Variants in INPP4B observed in about 807,000 individuals in gnomAD.
The protein encoded by INPP4B is inositol polyphosphate-4-phosphatase type II B.
INPP4B carries 55 observed loss-of-function variants against 122.5 expected under a neutral mutation model. The ratio of observed to expected loss-of-function variants is 0.45; its 90% CI spans 0.36 to 0.56. The LOEUF (loss-of-function observed/expected upper bound fraction) is 0.56. Ranked by LOEUF, INPP4B falls within the 20% of genes least tolerant of loss-of-function variation. INPP4B has a pLI of 0.00. For synonymous variants in INPP4B, 403 were observed against 388.7 expected, an observed-to-expected ratio of 1.04 and a Z score of -0.43; for missense variants, 1,000 against 1,097.7, an observed-to-expected ratio of 0.91 and a Z score of 1.26.
In INPP4B at chr4:142,305,980, G is replaced by A. The variant is rs974304528; in HGVS notation, c.424-443C>T. On this transcript the variant is annotated intron_variant, in intron 8 of 25. Transcript: ENST00000262992. Reference sequence around the variant, plus strand: ...GTTAGTTGGAGCTATTTTTATGTGGGACTTTGTACAAGTTATAAATAGAAA... The same window carrying A: ...GTTAGTTGGAGCTATTTTTATGTGGAACTTTGTACAAGTTATAAATAGAAA... 8 of 931,052 alleles carry A rather than the reference G, an allele frequency of 8.6e-6. No individual in the cohort carries two copies. The African/African-American group carries it at 1.4e-4, about 17-fold the overall frequency. 57.7% of individuals were successfully genotyped at this position (931,052 alleles called of 1,614,324 possible).
At chr4:142,398,402 ATATATATATATATATATATAT>A (rs1310285138) in intron 7 of INPP4B, among the ~76,000 whole-genome samples, 2 of 6,390 alleles carry the variant, frequency 3.1e-4, no homozygotes. Context: ...AAAAAAAAAA[ATATATATATATATATATATAT>A]ATATATATAT....
intron 5 of INPP4B, among the ~76,000 whole-genome samples, chr4:142,410,198 A>G (rs1360732566): frequency 1.3e-5 from 2 of 152,196 alleles, no homozygotes; most frequent in South Asian, 2.1e-4. Context: ...GTTCAGCAAC[A>G]CTGCTCGAAT....
intron 11 of INPP4B, among the ~76,000 whole-genome samples, chr4:142,258,666 A>C (rs13114708): frequency 0.76 from 114,271 of 151,116 alleles, 44,507 homozygotes; most frequent in East Asian, 0.93. Context: ...ACCATCTCAC[A>C]CCAGTTAGAA....
chr4:142,621,693 T>C (rs1744963854), intron 2 of INPP4B, among the ~76,000 whole-genome samples: 1 of 151,926 alleles, frequency 6.6e-6, no homozygotes, highest in Non-Finnish European at 1.5e-5. Context: ...CCTACCTTGC[T>C]GAATAATGAT....
chr4:142,368,601 A>C (rs950503074), intron 7 of INPP4B, among the ~76,000 whole-genome samples: 2 of 152,120 alleles, frequency 1.3e-5, no homozygotes, highest in African/African-American at 4.8e-5. Flanking sequence ...TCAGTTAAGG[A>C]GGCAGGCAAG....
At chr4:142,292,269 G>A (rs377007723) in intron 9 of INPP4B, among the ~76,000 whole-genome samples, 2 of 150,816 alleles carry the variant, frequency 1.3e-5, no homozygotes, top group East Asian at 3.9e-4. Flanking sequence ...ATGAACTCCT[G>A]GTAACAGTGA....
chr4:142,078,713 A>G (rs1772203004), intron 25 of INPP4B, among the ~76,000 whole-genome samples: 1 of 152,030 alleles, frequency 6.6e-6, no homozygotes. Flanking sequence ...AAAATACTTA[A>G]TATAGATAAG....
At chr4:142,537,415 TATATATATATATATAGAGAGAGAG>T (rs1313733617) in intron 2 of INPP4B, among the ~76,000 whole-genome samples, 10 of 47,328 alleles carry the variant, frequency 2.1e-4, no homozygotes, top group African/African-American at 6.4e-4. Context: ...TATATATATA[TATATATATATATATAGAGAGAGAG>T]AGAGAGAGAG....
At chr4:142,372,356 AC>A (rs1790253783) in intron 7 of INPP4B, among the ~76,000 whole-genome samples, 1 of 152,088 alleles carries the variant, frequency 6.6e-6, no homozygotes, top group South Asian at 2.1e-4. Context: ...ACAATAGTTA[AC>A]AATCATTTAC....
chr4:142,208,377 A>C (rs756998015), intron 14 of INPP4B, 48 bp downstream of exon 14: 7 of 937,932 alleles, frequency 7.5e-6, no homozygotes, highest in Non-Finnish European at 1.2e-5. Context: ...TTACAGAAGT[A>C]CACACTGTAA....
chr4:142,025,014 GAAGAT>G lies in INPP4B; in HGVS notation c.*3763_*3767del, dbSNP rs1041819410. ...TATATAACCAAAATTATAGCCATCT[GAAGAT>G]AAGGGATTGCATTTGATACTTTTTA... On this transcript the variant is annotated 3_prime_UTR_variant, in exon 26 of 26. Transcript: ENST00000262992. 2 of 152,060 alleles carry G rather than the reference GAAGAT, an allele frequency of 1.3e-5. No homozygotes were observed. Among genetic ancestry groups the G allele is most frequent in the African/African-American group, 4.8e-5 (2 of 41,392 alleles). 9.4% of individuals were successfully genotyped at this position (152,060 alleles called of 1,614,324 possible).
intron 11 of INPP4B, among the ~76,000 whole-genome samples, chr4:142,240,054 TTTTAG>T (rs1858559357): frequency 1.3e-5 from 2 of 151,480 alleles, no homozygotes; most frequent in South Asian, 4.2e-4. Context: ...TCCTTCTAAT[TTTTAG>T]TTTATTGTTT....
intron 25 of INPP4B, among the ~76,000 whole-genome samples, chr4:142,044,168 TTAGATA>T (rs1395987242): frequency 4.6e-5 from 7 of 152,112 alleles, no homozygotes; most frequent in Non-Finnish European, 5.9e-5. Flanking sequence ...ATGACGTTAG[TTAGATA>T]TAGATAATAA....
chr4:142,732,718 TCA>T (rs1256034486), intron 1 of INPP4B, among the ~76,000 whole-genome samples: 1 of 152,094 alleles, frequency 6.6e-6, no homozygotes, highest in East Asian at 1.9e-4. Flanking sequence ...TGCATCATGC[TCA>T]TACATGGAAG....
intron 16 of INPP4B, among the ~76,000 whole-genome samples, chr4:142,172,156 T>A (rs889773268): frequency 5.3e-5 from 8 of 151,936 alleles, no homozygotes; most frequent in African/African-American, 1.2e-4. Context: ...CAAACATTTT[T>A]AAAAAAAAAC....
At chr4:142,601,864 G>A (rs1740022030) in intron 2 of INPP4B, among the ~76,000 whole-genome samples, 1 of 151,022 alleles carries the variant, frequency 6.6e-6, no homozygotes, top group Non-Finnish European at 1.5e-5. Context: ...AGCTACTTGG[G>A]AGGCTGAGGC....
chr4:142,624,482 G>C (rs1235550755), intron 2 of INPP4B, among the ~76,000 whole-genome samples: 1 of 151,744 alleles, frequency 6.6e-6, no homozygotes, highest in Non-Finnish European at 1.5e-5. Flanking sequence ...TTTGTCAGAT[G>C]AGTAGGTTGT....
At chr4:142,507,325 G>T (rs984705874) in intron 2 of INPP4B, among the ~76,000 whole-genome samples, 1 of 152,094 alleles carries the variant, frequency 6.6e-6, no homozygotes, top group Non-Finnish European at 1.5e-5. Flanking sequence ...ATTGATTGTT[G>T]AAATCAGTCA....
At chr4:142,641,852 C>A (rs1580594166) in intron 2 of INPP4B, among the ~76,000 whole-genome samples, 1 of 152,166 alleles carries the variant, frequency 6.6e-6, no homozygotes, top group African/African-American at 2.4e-5. Flanking sequence ...CACTGACTTC[C>A]ACAATGGTTG....
Sources: allele counts gnomAD v4.1 joint callset (sites outside exome capture counted in the v4.1 genomes callset), GRCh38; gene constraint gnomAD v4.1.1; transcripts MANE v1.5; gene names NCBI Gene and HGNC (gene_info 2026-07-23, HGNC 2026-07-21).